The following DELE1 variants were observed in gnomAD, a reference collection of about 807,000 sequenced individuals.
The protein encoded by DELE1 is death ligand signal enhancer.
A neutral mutation model predicts 59.3 loss-of-function variants in DELE1; 54 were observed. The observed-to-expected ratio is 0.91, with a 90% CI of 0.73 to 1.14. The LOEUF (loss-of-function observed/expected upper bound fraction) is 1.14. Among genes scored for constraint, DELE1 ranks in the 50% most tolerant of loss-of-function variants. The pLI is 0.00. For synonymous variants in DELE1, 264 were observed against 259.1 expected (o/e 1.02, Z -0.18); for missense variants, 636 against 643.9 (o/e 0.99, Z 0.13).
intron 4 of DELE1, among the ~76,000 whole-genome samples, 172 bp from the exon 5 acceptor site, chr5:141,929,410 C>T (rs774921553): frequency 1.7e-4 from 26 of 152,120 alleles, no homozygotes; most frequent in Non-Finnish European, 2.4e-4. Context: ...CACTGCACCC[C>T]GCTAATTTTT....
At chr5:141,937,022 C>T in intron 10 of DELE1, 176 bp from the exon 11 acceptor site, 1 of 1,485,496 alleles carries the variant, frequency 6.7e-7, no homozygotes, top group Non-Finnish European at 8.9e-7. Flanking sequence ...TGGGTGAGCT[C>T]TGAGCCTCTG....
chr5:141,929,919 T>A, intron 5 of DELE1, 70 bp from the exon 6 acceptor site: 1 of 1,548,062 alleles, frequency 6.5e-7, no homozygotes, highest in Non-Finnish European at 8.9e-7. Context: ...CTGGGTAGAC[T>A]GGGAGAGTCG....
In DELE1 at chr5:141,941,014, T is replaced by G. The variant is rs1752705962; in HGVS notation, c.*2255T>G. ...AACTTGGTTAACCCAATGTTTTCTC[T>G]CACTGAATTGAGCCCAGAGCCCGTT... On this transcript the variant is annotated 3_prime_UTR_variant, in exon 12 of 12. Coordinates refer to ENST00000432126, the MANE Select transcript of DELE1 (RefSeq NM_014773.5). 1 of 985,302 alleles carries G rather than the reference T, an allele frequency of 1.0e-6. No individual in the cohort carries two copies. The highest frequency in any genetic ancestry group is 1.2e-6 in the Non-Finnish European group (1 of 829,788). 61.0% of individuals were successfully genotyped at this position (985,302 alleles called of 1,614,324 possible).
intron 1 of DELE1, 57 bp downstream of exon 1, chr5:141,924,029 GGGGGC>G: frequency 6.3e-7 from 1 of 1,582,754 alleles, no homozygotes; most frequent in South Asian, 1.1e-5. Context: ...GAACTGGAGT[GGGGGC>G]GGGCCCGAGG....
At chr5:141,937,566 C>T (rs113473042) in intron 11 of DELE1, among the ~76,000 whole-genome samples, 3,130 of 151,752 alleles carry the variant, frequency 0.021, 114 homozygotes, top group African/African-American at 0.071. Context: ...GTCAGGAGAT[C>T]GAGACCCTCC....
Position 141,941,320 on chromosome 5 carries a change from TG to T in DELE1, c.*2566del. The T allele has an allele frequency of 2.0e-6, 2 of 985,518 alleles. No individual in the cohort carries two copies. The highest frequency in any genetic ancestry group is 4.7e-5 in the South Asian group (1 of 21,276). 61.0% of individuals were successfully genotyped at this position (985,518 alleles called of 1,614,324 possible). A position where few individuals can be genotyped will look rare whatever the true frequency, so the allele number is the denominator to read the frequency against. ...TGATTCAATTTGGGGTGCCAAAGGT[TG>T]GGGGTAGGATATTTTTAAGCTCTCC... On this transcript the variant is annotated 3_prime_UTR_variant, in exon 12 of 12. Coordinates refer to ENST00000432126, the MANE Select transcript of DELE1 (RefSeq NM_014773.5).
intron 11 of DELE1, among the ~76,000 whole-genome samples, chr5:141,937,625 T>C (rs976076242): frequency 6.6e-6 from 1 of 150,386 alleles, no homozygotes; most frequent in South Asian, 2.1e-4. Context: ...AAAAAAAAAT[T>C]AGTTGGGCGT....
chr5:141,927,208 C>T (rs139002279), intron 3 of DELE1, among the ~76,000 whole-genome samples: 47 of 152,306 alleles, frequency 3.1e-4, no homozygotes, highest in African/African-American at 1.1e-3. Context: ...CCTGGAGCAA[C>T]AAGTAAGTAT....
Position 141,923,920 on chromosome 5 carries a change from T to A in DELE1, c.-22T>A. ...TGGTCTCGCGCTTTCGGCTGCGAGC[T>A]CTCTGTGGTGCTGGCAGCGACATGT... On this transcript the variant is annotated 5_prime_UTR_variant, in exon 1 of 12. Coordinates refer to ENST00000432126, the MANE Select transcript of DELE1 (RefSeq NM_014773.5). 1.9e-6 allele frequency: 3 copies of A among 1,600,390 alleles called. No individual in the cohort carries two copies. Among genetic ancestry groups the A allele is most frequent in the Non-Finnish European group, 2.6e-6 (3 of 1,173,948 alleles).
chr5:141,937,028 C>T, intron 10 of DELE1, 170 bp from the exon 11 acceptor site: 2 of 1,490,928 alleles, frequency 1.3e-6, no homozygotes, highest in Non-Finnish European at 1.8e-6. Flanking sequence ...AGCTCTGAGC[C>T]TCTGGCATTT....
rs555376300 is a variant in DELE1 at position 141,940,446 on chromosome 5, C to T, written c.*1687C>T. On this transcript the variant is annotated 3_prime_UTR_variant, in exon 12 of 12. Coordinates refer to ENST00000432126, the MANE Select transcript of DELE1 (RefSeq NM_014773.5). Reference sequence around the variant, plus strand: ...GGATAGAGAGCCCACCGCCCACCCCCCACAATCCCATGACTGAGTGGAGAC... The same window carrying T: ...GGATAGAGAGCCCACCGCCCACCCCTCACAATCCCATGACTGAGTGGAGAC... 3,898 of 985,334 alleles carry T rather than the reference C, an allele frequency of 4.0e-3. 12 individuals are homozygous for T. Among genetic ancestry groups the T allele is most frequent in the Non-Finnish European group, 4.4e-3 (3,683 of 829,938 alleles). The allele number at this position is 985,334 out of a possible 1,614,324, so 61.0% of individuals were successfully genotyped here. A position where few individuals can be genotyped will look rare whatever the true frequency, so the allele number is the denominator to read the frequency against.
intron 4 of DELE1, 150 bp from the exon 5 acceptor site, chr5:141,929,432 T>A (rs1751700826): frequency 1.3e-5 from 10 of 747,892 alleles, no homozygotes; most frequent in Non-Finnish European, 2.2e-5. Context: ...GTATTTTTAG[T>A]ACAGATGGGG....
chr5:141,930,053 G>A lies in DELE1; in HGVS notation c.636G>A (p.Gln212=). The A allele has an allele frequency of 6.2e-7, 1 of 1,614,202 alleles. No homozygotes were observed. Among genetic ancestry groups the A allele is most frequent in the East Asian group, 2.2e-5 (1 of 44,888 alleles). The change falls in exon 6 of 12, where the codon CAG becomes CAA. Residue 212 remains glutamine, a synonymous_variant. Transcript: ENST00000432126. ...TCGAGTCCGAGGCAAAACCAGCCCA[G>A]CCTCAGCCCACTGGTGAAAAGGTAT... The part of the protein sequence containing the change: ...SSIESEAKPA[Q]PQPTGEKEQD...
At position 141,940,103 on chromosome 5, in the gene DELE1, T is replaced by C; in HGVS notation, c.*1344T>C. On this transcript the variant is annotated 3_prime_UTR_variant, in exon 12 of 12. Transcript: ENST00000432126. ...TTTTGAGGTCCCCATTTGGGAAACA[T>C]GTGCCAGAAATGTCTAGGTGTTTAA... The C allele has an allele frequency of 1.0e-6, 1 of 984,924 alleles. No individual in the cohort carries two copies. Among genetic ancestry groups the C allele is most frequent in the Non-Finnish European group, 1.2e-6 (1 of 829,680 alleles). The allele number at this position is 984,924 out of a possible 1,614,324, so 61.0% of individuals were successfully genotyped here. A position where few individuals can be genotyped will look rare whatever the true frequency, so the allele number is the denominator to read the frequency against.
At position 141,940,424 on chromosome 5, in the gene DELE1, T is replaced by G. The variant is rs977569955; in HGVS notation, c.*1665T>G. On this transcript the variant is annotated 3_prime_UTR_variant, in exon 12 of 12. Coordinates refer to ENST00000432126, the MANE Select transcript of DELE1 (RefSeq NM_014773.5). ...GGTTGAGAGTGGGGTCTGGGAGGGA[T>G]AGAGAGCCCACCGCCCACCCCCCAC... The G allele has an allele frequency of 2.3e-5, 21 of 925,018 alleles. No homozygotes were observed. The highest frequency in any genetic ancestry group is 3.3e-5 in the African/African-American group (1 of 30,760). 57.3% of individuals were successfully genotyped at this position (925,018 alleles called of 1,614,324 possible).
chr5:141,925,185 T>C (rs1268795782), intron 2 of DELE1, among the ~76,000 whole-genome samples: 2 of 152,102 alleles, frequency 1.3e-5, no homozygotes, highest in Admixed American at 1.3e-4. Flanking sequence ...CGCCTCAGCC[T>C]CCCAAAGTGC....
In DELE1 at chr5:141,940,502, G is replaced by T; in HGVS notation, c.*1743G>T. 2 of 985,432 alleles carry T rather than the reference G, an allele frequency of 2.0e-6. No homozygotes were observed. The highest frequency in any genetic ancestry group is 1.2e-6 in the Non-Finnish European group (1 of 829,962). The allele number at this position is 985,432 out of a possible 1,614,324, so 61.0% of individuals were successfully genotyped here. A position where few individuals can be genotyped will look rare whatever the true frequency, so the allele number is the denominator to read the frequency against. On this transcript the variant is annotated 3_prime_UTR_variant, in exon 12 of 12. Coordinates refer to ENST00000432126, the MANE Select transcript of DELE1 (RefSeq NM_014773.5). ...AGCCTGGCCAATTCAAAGGCAAGAA[G>T]ATTTGAGGGGGGAAAGTTGTCCACG...
chr5:141,926,221 C>G (rs1751410081), intron 3 of DELE1, among the ~76,000 whole-genome samples: 1 of 152,146 alleles, frequency 6.6e-6, no homozygotes, highest in Admixed American at 6.5e-5. Context: ...CATGCATTAT[C>G]TTGTGTAATC....
At position 141,940,918 on chromosome 5, in the gene DELE1, A is replaced by C. The variant is rs1468555987; in HGVS notation, c.*2159A>C. On this transcript the variant is annotated 3_prime_UTR_variant, in exon 12 of 12. Coordinates refer to ENST00000432126, the MANE Select transcript of DELE1 (RefSeq NM_014773.5). ...AAATAAGTTTGGGAAATGCTGCACCAGACGTCCCCTTTTTATAGATTCACA... is the reference window on the plus strand; with the variant it reads ...AAATAAGTTTGGGAAATGCTGCACCCGACGTCCCCTTTTTATAGATTCACA... 1 of 978,044 alleles carries C rather than the reference A, an allele frequency of 1.0e-6. No homozygotes were observed. The highest frequency in any genetic ancestry group is 1.2e-6 in the Non-Finnish European group (1 of 823,326). The allele number at this position is 978,044 out of a possible 1,614,324, so 60.6% of individuals were successfully genotyped here.
Sources: allele counts gnomAD v4.1 joint callset (sites outside exome capture counted in the v4.1 genomes callset), GRCh38; gene constraint gnomAD v4.1.1; transcripts MANE v1.5; gene names NCBI Gene and HGNC (gene_info 2026-07-23, HGNC 2026-07-21).